The following UMPS variants were observed in gnomAD, a reference collection of about 807,000 sequenced individuals.
UMPS encodes the protein uridine monophosphate synthetase.
Under a neutral mutation model 38.9 loss-of-function variants are expected in UMPS, and 21 were observed. The observed-to-expected ratio is 0.54, with a 90% confidence interval of 0.38 to 0.78. The LOEUF is 0.78. Ranked by LOEUF, UMPS falls within the 30% of genes least tolerant of loss-of-function variation. The probability of loss-of-function intolerance (pLI) is 0.00; values close to 1 mark genes in which losing one functional copy is unlikely to be tolerated. For missense variants in UMPS, 533 were observed against 591.6 expected, an observed-to-expected ratio of 0.90 and a Z score of 1.03; for synonymous variants, 208 against 219.3, an observed-to-expected ratio of 0.95 and a Z score of 0.45.
Position 124,747,469 on chromosome 3 carries a change from G to C in UMPS, c.*3385G>C, listed in dbSNP as rs771934147. ...CCTGAACCCAAACTCTCGTGTTTCT[G>C]CTCACCCCTCTCTGGCTTCTGCCAC... On this transcript the variant is annotated 3_prime_UTR_variant, in exon 6 of 6. Transcript: ENST00000232607. 3 of 454,112 alleles carry C rather than the reference G, an allele frequency of 6.6e-6. No homozygotes were observed. Among genetic ancestry groups the C allele is most frequent in the South Asian group, 4.7e-5 (3 of 64,492 alleles). 28.1% of individuals were successfully genotyped at this position (454,112 alleles called of 1,614,324 possible).
rs1164389753 is a variant in UMPS at position 124,748,412 on chromosome 3, A to G, written c.*4328A>G. ...GTTTTCCCCATAACCCTTCCAAAGG[A>G]AGGCCGCAATAGAAATACAAAGAGA... On this transcript the variant is annotated 3_prime_UTR_variant, in exon 6 of 6. Coordinates refer to ENST00000232607, the MANE Select transcript of UMPS (RefSeq NM_000373.4). 1 of 454,018 alleles carries G rather than the reference A, an allele frequency of 2.2e-6. No individual in the cohort carries two copies. Among genetic ancestry groups the G allele is most frequent in the South Asian group, 1.6e-5 (1 of 64,416 alleles). 28.1% of individuals were successfully genotyped at this position (454,018 alleles called of 1,614,324 possible). A position where few individuals can be genotyped will look rare whatever the true frequency, so the allele number is the denominator to read the frequency against.
chr3:124,730,722 C>T, intron 1 of UMPS, 95 bp downstream of exon 1: 1 of 1,446,746 alleles, frequency 6.9e-7, no homozygotes, highest in Non-Finnish European at 9.4e-7. Flanking sequence ...TGAGTGAGAG[C>T]AAAAGAGCCA....
Position 124,748,744 on chromosome 3 carries a change from C to G in UMPS, c.*4660C>G. 1 of 429,876 alleles carries G rather than the reference C, an allele frequency of 2.3e-6. No individual in the cohort carries two copies. Among genetic ancestry groups the G allele is most frequent in the Non-Finnish European group, 4.6e-6 (1 of 215,262 alleles). 26.6% of individuals were successfully genotyped at this position (429,876 alleles called of 1,614,324 possible). A position where few individuals can be genotyped will look rare whatever the true frequency, so the allele number is the denominator to read the frequency against. On this transcript the variant is annotated 3_prime_UTR_variant, in exon 6 of 6. Coordinates refer to ENST00000232607, the MANE Select transcript of UMPS (RefSeq NM_000373.4). Reference sequence around the variant, plus strand: ...GGGGAGCCCAGGAGAGCAGGAAGATCCAGAGATCCCTCGCCCCAGCTCGGC... The same window carrying G: ...GGGGAGCCCAGGAGAGCAGGAAGATGCAGAGATCCCTCGCCCCAGCTCGGC...
rs1333241510 is a variant in UMPS at position 124,740,007 on chromosome 3, T to C, written c.983-17T>C. On this transcript the variant is annotated splice_polypyrimidine_tract_variant and intron_variant, in intron 3 of 5. Coordinates refer to ENST00000232607, the MANE Select transcript of UMPS (RefSeq NM_000373.4). ...GTTTGAAAATCAGCAAATATCTTTT[T>C]TCCCCCTTCTTCTTAGGAGGTATCT... 6 of 1,613,892 alleles carry C rather than the reference T, an allele frequency of 3.7e-6. No homozygotes were observed. The South Asian group carries it at 4.4e-5, about 12-fold the overall frequency.
intron 1 of UMPS, chr3:124,731,633 C>G (rs963132759): frequency 1.2e-5 from 3 of 244,024 alleles, no homozygotes; most frequent in African/African-American, 6.9e-5. Context: ...GCCTGTAGTC[C>G]CAACTTTGGG....
chr3:124,739,167 C>T lies in UMPS; in HGVS notation c.983-857C>T, dbSNP rs561035431. Among the ~76,000 whole-genome samples the T allele has an allele frequency of 3.1e-4, 47 of 152,096 alleles. 1 individual carries two copies. Among genetic ancestry groups the T allele is most frequent in the South Asian group, 8.3e-4 (4 of 4,808 alleles). ...TCTTCAGCTCTGCATAGAGTTTTTT[C>T]GAAAATCAGGCTTGTTACTGTCCGC... On this transcript the variant is annotated intron_variant, in intron 3 of 5. Coordinates refer to ENST00000232607, the MANE Select transcript of UMPS (RefSeq NM_000373.4).
In UMPS at chr3:124,745,539, T is replaced by G. The variant is rs2063590141; in HGVS notation, c.*1455T>G. 1 of 453,916 alleles carries G rather than the reference T, an allele frequency of 2.2e-6. No individual in the cohort carries two copies. The highest frequency in any genetic ancestry group is 1.6e-5 in the South Asian group (1 of 64,472). 28.1% of individuals were successfully genotyped at this position (453,916 alleles called of 1,614,324 possible). The stretch of plus-strand genomic sequence containing the variant: ...ATTTTTAACTCAGGTTTTTATTATA[T>G]TCCCTCCTGAAGTTTTTACTTCAAG... On this transcript the variant is annotated 3_prime_UTR_variant, in exon 6 of 6. Coordinates refer to ENST00000232607, the MANE Select transcript of UMPS (RefSeq NM_000373.4).
At chr3:124,743,678 A>G (rs570381641) in intron 5 of UMPS, among the ~76,000 whole-genome samples, 50 of 152,078 alleles carry the variant, frequency 3.3e-4, no homozygotes, top group African/African-American at 1.2e-3. Flanking sequence ...AAATAAATAA[A>G]TAAAATAAAC....
chr3:124,739,335 A>C (rs1397748112), intron 3 of UMPS, among the ~76,000 whole-genome samples: 1 of 152,062 alleles, frequency 6.6e-6, no homozygotes, highest in Non-Finnish European at 1.5e-5. Context: ...TTTTATTTTT[A>C]TTATTATTTT....
At position 124,746,343 on chromosome 3, in the gene UMPS, C is replaced by G; in HGVS notation, c.*2259C>G. On this transcript the variant is annotated 3_prime_UTR_variant, in exon 6 of 6. Coordinates refer to ENST00000232607, the MANE Select transcript of UMPS (RefSeq NM_000373.4). Reference sequence around the variant, plus strand: ...AGCAGATTTGTGGTTTGCCCAGCAGCCTGGGCGTGTGCATTTCTAATGGGT... The same window carrying G: ...AGCAGATTTGTGGTTTGCCCAGCAGGCTGGGCGTGTGCATTTCTAATGGGT... The G allele has an allele frequency of 2.2e-6, 1 of 454,134 alleles. No individual in the cohort carries two copies. Among genetic ancestry groups the G allele is most frequent in the South Asian group, 1.6e-5 (1 of 64,482 alleles). 28.1% of individuals were successfully genotyped at this position (454,134 alleles called of 1,614,324 possible).
Position 124,738,100 on chromosome 3 carries a change from G to T in UMPS, c.843G>T (p.Lys281Asn). ...TAGGACCTAGTATCTGCATGCTGAA[G>T]ACTCATGTAGATATTTTGAATGATT... Reference protein sequence around the residue: ...DALGPSICMLKTHVDILNDFT... With the variant: ...DALGPSICMLNTHVDILNDFT... Residue 281 changes from lysine to asparagine, a missense_variant, in exon 3 of 6, where the codon AAG becomes AAT. Physicochemically the swap from Lys to Asn is moderately conservative, Grantham distance 94. Coordinates refer to ENST00000232607, the MANE Select transcript of UMPS (RefSeq NM_000373.4). 1 of 1,614,216 alleles carries T rather than the reference G, an allele frequency of 6.2e-7. No individual in the cohort carries two copies. The highest frequency in any genetic ancestry group is 8.5e-7 in the Non-Finnish European group (1 of 1,180,042).
intron 5 of UMPS, 147 bp downstream of exon 5, chr3:124,742,413 T>C (rs907662793): frequency 7.4e-6 from 5 of 675,396 alleles, no homozygotes; most frequent in Non-Finnish European, 1.3e-5. Context: ...GGTAACTATG[T>C]ATCTTTGGAC....
At chr3:124,732,098 C>G (rs151305261) in intron 1 of UMPS, among the ~76,000 whole-genome samples, 6 of 152,138 alleles carry the variant, frequency 3.9e-5, no homozygotes, top group African/African-American at 9.7e-5. Context: ...GTGCCACCCC[C>G]GGGCTACCTC....
In UMPS at chr3:124,737,752, G is replaced by A. The variant is rs75971351; in HGVS notation, c.495G>A (p.Ala165=). 506 of 1,614,178 alleles carry A rather than the reference G, an allele frequency of 3.1e-4. 1 individual carries two copies. In the East Asian group the frequency reaches 3.7e-3, roughly 12 times the overall value. Residue 165 remains alanine, a synonymous_variant, in exon 3 of 6, where the codon GCG becomes GCA. Transcript: ENST00000232607. ...AGGGAGGCAAGGACAAGTTGCAGGC[G>A]CACGGGATCCGCCTCCACTCAGTGT... ...REQGGKDKLQ[A]HGIRLHSVCT...
chr3:124,735,298 C>A, intron 2 of UMPS, 52 bp downstream of exon 2: 1 of 1,543,374 alleles, frequency 6.5e-7, no homozygotes, highest in Non-Finnish European at 8.9e-7. Flanking sequence ...TAACATCATA[C>A]TCTTAGAATT....
chr3:124,730,645 G>A lies in UMPS; in HGVS notation c.156+18G>A. On this transcript the variant is annotated intron_variant, in intron 1 of 5. Transcript: ENST00000232607. ...TGAGTCAGGTGCTGGCCTAGGAAGG[G>A]AAAGGACAGGGCTTGGTGGCGGGAA... The A allele has an allele frequency of 6.2e-7, 1 of 1,610,004 alleles. No individual in the cohort carries two copies. The highest frequency in any genetic ancestry group is 8.5e-7 in the Non-Finnish European group (1 of 1,176,754).
intron 4 of UMPS, among the ~76,000 whole-genome samples, chr3:124,741,749 G>A (rs886118357): frequency 6.6e-6 from 1 of 152,170 alleles, no homozygotes; most frequent in African/African-American, 2.4e-5. Context: ...TAGGATTTCT[G>A]CTTTACGTAT....
Position 124,737,927 on chromosome 3 carries a change from G to T in UMPS, c.670G>T (p.Glu224Ter), listed in dbSNP as rs1559905153. 2 of 1,614,100 alleles carry T rather than the reference G, an allele frequency of 1.2e-6. No individual in the cohort carries two copies. The highest frequency in any genetic ancestry group is 1.1e-5 in the South Asian group (1 of 91,084). ...SPLSIKEAPK[E>*]LSFGARAELP... is the part of the protein sequence containing the mutation. ...CCTTTCTATAAAGGAAGCACCCAAAGAACTCAGCTTCGGTGCACGTGCAGA... is the reference window on the plus strand; with the variant it reads ...CCTTTCTATAAAGGAAGCACCCAAATAACTCAGCTTCGGTGCACGTGCAGA... Residue 224 changes from glutamate (E) to a stop codon, truncating the protein, a stop_gained, in exon 3 of 6, where the codon GAA becomes TAA. Transcript: ENST00000232607. LOFTEE classifies it high-confidence loss of function.
In UMPS at chr3:124,747,383, C is replaced by T. The variant is rs972794503; in HGVS notation, c.*3299C>T. On this transcript the variant is annotated 3_prime_UTR_variant, in exon 6 of 6. Coordinates refer to ENST00000232607, the MANE Select transcript of UMPS (RefSeq NM_000373.4). ...CGCTGAGCTAGCTGCTAATGCTGGC[C>T]TGGGTGCAGTTCTCATCCAAAGTAC... is the stretch of plus-strand genomic sequence containing the variant. The T allele has an allele frequency of 1.3e-5, 6 of 454,728 alleles. No individual in the cohort carries two copies. The Admixed American group carries it at 1.4e-4, about 11-fold the overall frequency. The allele number at this position is 454,728 out of a possible 1,614,324, so 28.2% of individuals were successfully genotyped here. A position where few individuals can be genotyped will look rare whatever the true frequency, so the allele number is the denominator to read the frequency against.
Sources: allele counts gnomAD v4.1 joint callset (sites outside exome capture counted in the v4.1 genomes callset), GRCh38; gene constraint gnomAD v4.1.1; transcripts MANE v1.5; gene names NCBI Gene and HGNC (gene_info 2026-07-23, HGNC 2026-07-21).